The following DCAF6 variants were observed in gnomAD, a reference collection of about 807,000 sequenced individuals.
DCAF6 encodes the protein DDB1- and CUL4-associated factor 6.
A neutral mutation model predicts 125.1 loss-of-function variants in DCAF6; 54 were observed. The ratio of observed to expected loss-of-function variants is 0.43; its 90% confidence interval spans 0.35 to 0.54. The LOEUF (loss-of-function observed/expected upper bound fraction) is 0.54, where lower values mean the gene tolerates loss of function less well. Ranked by LOEUF, DCAF6 falls within the 20% of genes least tolerant of loss-of-function variation. DCAF6 has a pLI of 0.01. For synonymous variants in DCAF6, 371 were observed against 390.4 expected (o/e 0.95, Z 0.58); for missense variants, 934 against 1,161.7 (o/e 0.80, Z 2.85).
the DCAF6 span, among the ~76,000 whole-genome samples, chr1:167,908,591 C>T: frequency 1.3e-3 from 203 of 152,192 alleles, no homozygotes; most frequent in African/African-American, 4.5e-3. Flanking sequence ...TGAGATGATA[C>T]GTTAATTACC....
At chr1:168,041,259 T>C (rs1440896959) in intron 13 of DCAF6, among the ~76,000 whole-genome samples, 2 of 152,100 alleles carry the variant, frequency 1.3e-5, no homozygotes, top group African/African-American at 2.4e-5. Context: ...TGCCCAGTTT[T>C]CTATGGTGTT....
the DCAF6 span, among the ~76,000 whole-genome samples, chr1:167,887,266 A>G: frequency 9.9e-5 from 15 of 152,240 alleles, no homozygotes; most frequent in African/African-American, 3.6e-4. Context: ...TTGTGGCACT[A>G]TTCACAATAG....
chr1:167,939,851 A>T (rs1300074300), intron 1 of DCAF6, among the ~76,000 whole-genome samples: 2 of 152,252 alleles, frequency 1.3e-5, no homozygotes, highest in African/African-American at 2.4e-5. Flanking sequence ...TTTCCTAAGG[A>T]AATAGATTCC....
chr1:167,988,632 A>G (rs1303555274), intron 5 of DCAF6, among the ~76,000 whole-genome samples: 1 of 152,102 alleles, frequency 6.6e-6, no homozygotes, highest in African/African-American at 2.4e-5. Flanking sequence ...ACTATTCAAA[A>G]TATGTTTTTA....
At chr1:167,927,743 G>C in the DCAF6 span, among the ~76,000 whole-genome samples, 2 of 152,064 alleles carry the variant, frequency 1.3e-5, no homozygotes, top group African/African-American at 4.8e-5. Flanking sequence ...CCTAGAGCTA[G>C]GTAATAGTTT....
chr1:167,921,872 C>T, the DCAF6 span, among the ~76,000 whole-genome samples: 18 of 151,954 alleles, frequency 1.2e-4, no homozygotes, highest in Non-Finnish European at 7.4e-5. Context: ...TATTTATATC[C>T]TTTAGGTTAA....
the DCAF6 span, among the ~76,000 whole-genome samples, chr1:167,907,283 TTGAGATAATACA>T: frequency 6.6e-6 from 1 of 152,258 alleles, no homozygotes; most frequent in Admixed American, 6.5e-5. Flanking sequence ...AATGTATTTG[TTGAGATAATACA>T]GGTTATGTTT....
intron 10 of DCAF6, among the ~76,000 whole-genome samples, chr1:168,008,246 G>T (rs1001636548): frequency 2.0e-5 from 3 of 152,060 alleles, no homozygotes; most frequent in Non-Finnish European, 1.5e-5. Context: ...TGGGATTACA[G>T]GCATGAGCCA....
chr1:167,905,457 A>G, the DCAF6 span, among the ~76,000 whole-genome samples: 1 of 152,200 alleles, frequency 6.6e-6, no homozygotes, highest in African/African-American at 2.4e-5. Context: ...ACTCATTTGC[A>G]GGAAGGGGTA....
At chr1:167,885,621 G>A in the DCAF6 span, among the ~76,000 whole-genome samples, 12 of 151,918 alleles carry the variant, frequency 7.9e-5, no homozygotes, top group South Asian at 1.5e-3. Context: ...TGTCTATTTC[G>A]ATCTTTTTTT....
the DCAF6 span, chr1:167,905,066 G>A: frequency 6.2e-7 from 1 of 1,614,216 alleles, no homozygotes. Context: ...AATGTCCATA[G>A]ACAATGAGGT....
chr1:167,867,983 C>T, the DCAF6 span, among the ~76,000 whole-genome samples: 2 of 152,022 alleles, frequency 1.3e-5, no homozygotes, highest in South Asian at 2.1e-4. Context: ...ATTACAAATC[C>T]CTTAAACCCA....
the DCAF6 span, chr1:167,904,526 T>A: frequency 1.4e-5 from 4 of 296,084 alleles, no homozygotes; most frequent in East Asian, 2.8e-4. Context: ...AATTCTCAAC[T>A]GTACAGTGAT....
chr1:167,875,677 G>A, the DCAF6 span, among the ~76,000 whole-genome samples: 1 of 152,210 alleles, frequency 6.6e-6, no homozygotes, highest in Non-Finnish European at 1.5e-5. Flanking sequence ...TTGGCTGGGC[G>A]CAGTGACTCA....
At chr1:168,019,492 G>C (rs536977877) in intron 11 of DCAF6, 1 of 444,484 alleles carries the variant, frequency 2.2e-6, no homozygotes, top group African/African-American at 2.0e-5. Context: ...AGGTATGGCA[G>C]AGGCATTCAG....
chr1:167,969,556 A>G (rs1253346103), intron 3 of DCAF6, among the ~76,000 whole-genome samples: 1 of 152,184 alleles, frequency 6.6e-6, no homozygotes, highest in East Asian at 1.9e-4. Context: ...TACAGAATAA[A>G]TTGTTTATTT....
chr1:167,987,903 A>C (rs1351319526), intron 5 of DCAF6, among the ~76,000 whole-genome samples: 1 of 152,044 alleles, frequency 6.6e-6, no homozygotes, highest in African/African-American at 2.4e-5. Flanking sequence ...ATACTGTCTA[A>C]TATAAAAACC....
At chr1:168,034,992 CAA>C (rs1301200345) in intron 12 of DCAF6, among the ~76,000 whole-genome samples, 4 of 152,008 alleles carry the variant, frequency 2.6e-5, no homozygotes, top group African/African-American at 9.7e-5. Flanking sequence ...CATTTTATCA[CAA>C]AGAGTGAATG....
intron 17 of DCAF6, 71 bp downstream of exon 17, chr1:168,051,004 A>G: frequency 1.4e-6 from 1 of 735,840 alleles, no homozygotes; most frequent in Non-Finnish European, 2.1e-6. Flanking sequence ...GCCACAGCTA[A>G]CCACCTTTCC....
Sources: gnomAD v4.1 joint callset for allele counts (sites outside exome capture counted in the v4.1 genomes callset) on GRCh38, gnomAD v4.1.1 for gene constraint, MANE v1.5 for transcripts, NCBI Gene and HGNC (gene_info 2026-07-23, HGNC 2026-07-21) for gene names.